The following ATP8A2 variants were observed in gnomAD, a reference collection of about 807,000 sequenced individuals.
ATP8A2 encodes the protein ATPase phospholipid transporting 8A2.
Under a neutral mutation model 165.6 loss-of-function variants are expected in ATP8A2, and 100 were observed. That is an observed-to-expected ratio of 0.60 (90% CI 0.51 to 0.71). The LOEUF is 0.71. Ranked by LOEUF, ATP8A2 falls within the 30% of genes least tolerant of loss-of-function variation. ATP8A2 has a pLI of 0.00. For synonymous variants in ATP8A2, 543 were observed against 548.8 expected, an observed-to-expected ratio of 0.99 and a Z score of 0.15; for missense variants, 1,227 against 1,479.5, an observed-to-expected ratio of 0.83 and a Z score of 2.80.
chr13:26,002,877 T>TGTGTGA (rs1217843989), intron 35 of ATP8A2, among the ~76,000 whole-genome samples: 3 of 151,526 alleles, frequency 2.0e-5, no homozygotes, highest in African/African-American at 7.3e-5. Context: ...TGTGTGTGTG[T>TGTGTGA]GTGTGTGTGT....
chr13:25,843,389 C>T (rs1264756807), intron 30 of ATP8A2, among the ~76,000 whole-genome samples: 1 of 152,282 alleles, frequency 6.6e-6, no homozygotes, highest in South Asian at 2.1e-4. Flanking sequence ...CATGCCCCCC[C>T]CGCCCAATTC....
chr13:25,492,753 G>A (rs775933736), intron 2 of ATP8A2, among the ~76,000 whole-genome samples: 1 of 152,186 alleles, frequency 6.6e-6, no homozygotes, highest in Admixed American at 6.5e-5. Context: ...TGCTCTGATC[G>A]TGGTGGGGAA....
intron 28 of ATP8A2, among the ~76,000 whole-genome samples, chr13:25,833,531 C>A (rs1467587358): frequency 6.6e-6 from 1 of 151,958 alleles, no homozygotes; most frequent in African/African-American, 2.4e-5. Context: ...GAACTACATT[C>A]CCATTCTAGA....
chr13:25,772,810 G>A (rs181066572), intron 26 of ATP8A2, among the ~76,000 whole-genome samples: 113 of 151,942 alleles, frequency 7.4e-4, no homozygotes, highest in Middle Eastern at 3.4e-3. Flanking sequence ...CTGGAGTGCA[G>A]TGGCTGGATC....
intron 25 of ATP8A2, among the ~76,000 whole-genome samples, chr13:25,738,356 A>T (rs1206266912): frequency 1.3e-5 from 1 of 74,992 alleles, no homozygotes; most frequent in African/African-American, 4.3e-5. Context: ...CCCCCCACAC[A>T]CACTTCTTCT....
intron 24 of ATP8A2, among the ~76,000 whole-genome samples, chr13:25,636,799 G>A (rs75383908): frequency 0.035 from 5,263 of 152,166 alleles, 158 homozygotes; most frequent in East Asian, 0.13. Flanking sequence ...TTTTGAACTT[G>A]AAGAATATTG....
chr13:25,386,736 C>T (rs1392390607), intron 1 of ATP8A2, among the ~76,000 whole-genome samples: 1 of 152,144 alleles, frequency 6.6e-6, no homozygotes, highest in Non-Finnish European at 1.5e-5. Context: ...GAGGCTCACG[C>T]CTGTAATCCC....
At chr13:25,852,909 A>G (rs1177546295) in intron 30 of ATP8A2, among the ~76,000 whole-genome samples, 1 of 151,992 alleles carries the variant, frequency 6.6e-6, no homozygotes, top group African/African-American at 2.4e-5. Context: ...AGTCTCAGAA[A>G]AAAAAAAAAT....
At chr13:25,653,764 G>A (rs748101727) in intron 24 of ATP8A2, among the ~76,000 whole-genome samples, 4 of 152,142 alleles carry the variant, frequency 2.6e-5, no homozygotes, top group African/African-American at 4.8e-5. Context: ...GATTGTGGTG[G>A]AATAGGAGAG....
At chr13:25,717,036 G>A (rs1034282167) in intron 25 of ATP8A2, among the ~76,000 whole-genome samples, 2 of 152,214 alleles carry the variant, frequency 1.3e-5, no homozygotes, top group Admixed American at 1.3e-4. Context: ...TGGAAAGAAA[G>A]GTGACTTTAA....
At chr13:25,464,184 T>C (rs1433891504) in intron 1 of ATP8A2, among the ~76,000 whole-genome samples, 5 of 152,170 alleles carry the variant, frequency 3.3e-5, no homozygotes, top group Admixed American at 2.0e-4. Flanking sequence ...CTGTGCTAGA[T>C]TATCTAAAAT....
chr13:25,697,274 G>A (rs1470862968), intron 24 of ATP8A2, among the ~76,000 whole-genome samples: 1 of 151,918 alleles, frequency 6.6e-6, no homozygotes, highest in Non-Finnish European at 1.5e-5. Flanking sequence ...TTCTTTTGTT[G>A]TTGTTGTTGT....
In ATP8A2 at chr13:25,662,168, T is replaced by C. The variant is rs1044046190; in HGVS notation, c.2212-37005T>C. 7.2e-5 allele frequency among the ~76,000 whole-genome samples: 11 copies of C among 152,140 alleles called. No individual in the cohort carries two copies. In the South Asian group the frequency reaches 1.4e-3, roughly 20 times the overall value. On this transcript the variant is annotated intron_variant, in intron 24 of 36. Transcript: ENST00000381655. ...GCATTATTGTGAGGATAAAAGTGAG[T>C]TAATATATGCAGATTTCTAGAAGAG...
intron 24 of ATP8A2, among the ~76,000 whole-genome samples, chr13:25,601,755 C>T (rs1051445870): frequency 5.9e-5 from 9 of 152,324 alleles, no homozygotes; most frequent in Middle Eastern, 3.4e-3. Context: ...CAGGCGTGAG[C>T]CACTGCGCCC....
chr13:25,380,154 G>C (rs1383784596), intron 1 of ATP8A2, among the ~76,000 whole-genome samples: 1 of 152,174 alleles, frequency 6.6e-6, no homozygotes, highest in Non-Finnish European at 1.5e-5. Flanking sequence ...AGACGTGCAA[G>C]TCATGATGGA....
intron 30 of ATP8A2, among the ~76,000 whole-genome samples, chr13:25,849,421 T>G (rs1951953058): frequency 6.6e-6 from 1 of 152,258 alleles, no homozygotes; most frequent in Admixed American, 6.5e-5. Flanking sequence ...GATGATGTAA[T>G]GTTTTTAATG....
At chr13:25,402,313 G>A (rs2138022503) in intron 1 of ATP8A2, among the ~76,000 whole-genome samples, 1 of 152,302 alleles carries the variant, frequency 6.6e-6, no homozygotes, top group African/African-American at 2.4e-5. Flanking sequence ...AACTGAAACT[G>A]CAGAAAGCAA....
chr13:25,489,616 G>A (rs2036461058), intron 2 of ATP8A2, among the ~76,000 whole-genome samples: 1 of 152,190 alleles, frequency 6.6e-6, no homozygotes, highest in African/African-American at 2.4e-5. Context: ...CTGCCAATGG[G>A]AAGTGGAAAA....
Position 26,025,168 on chromosome 13 carries a change from G to A in ATP8A2, c.*5183G>A, listed in dbSNP as rs761709282. On this transcript the variant is annotated 3_prime_UTR_variant, in exon 37 of 37. Transcript: ENST00000381655. ...AAAAGAAAAAAAGGAAACCAGCCCT[G>A]TCATGGAATTTCTCTCCTTCCCTGC... The A allele has an allele frequency of 6.7e-6, 1 of 148,748 alleles. No individual in the cohort carries two copies. 9.2% of individuals were successfully genotyped at this position (148,748 alleles called of 1,614,324 possible).
Sources: gnomAD v4.1 joint callset for allele counts (sites outside exome capture counted in the v4.1 genomes callset) on GRCh38, gnomAD v4.1.1 for gene constraint, MANE v1.5 for transcripts, NCBI Gene and HGNC (gene_info 2026-07-23, HGNC 2026-07-21) for gene names.